The following CDC14B variants were observed in gnomAD, a reference collection of about 807,000 sequenced individuals.
CDC14B encodes dual specificity protein phosphatase CDC14B.
A neutral mutation model predicts 64.2 loss-of-function variants in CDC14B; 22 were observed. The ratio of observed to expected loss-of-function variants is 0.34; its 90% confidence interval spans 0.24 to 0.49. The LOEUF is 0.49. Ranked by LOEUF, CDC14B falls within the 20% of genes least tolerant of loss-of-function variation. The pLI is 0.99. For synonymous variants in CDC14B, 191 were observed against 215.8 expected (o/e 0.89, Z 1.01); for missense variants, 498 against 629.9 (o/e 0.79, Z 2.24).
chr9:96,515,539 A>G lies in CDC14B; in HGVS notation c.1344-5750T>C. ...AGATTCAGAAAAAGAACCTTTGAAA[A>G]TAGGCAAACCAACAAAGCTAGGAGC... is the stretch of plus-strand genomic sequence containing the variant. On this transcript the variant is annotated intron_variant, in intron 12 of 13. Coordinates refer to ENST00000375241, the MANE Select transcript of CDC14B (RefSeq NM_033331.4). This position sits in a 1 kb window ranked among gnomAD's most constrained non-coding sequence, Gnocchi z 4.3. 8.8e-7 allele frequency: 1 copy of G among 1,137,706 alleles called. No homozygotes were observed. Among genetic ancestry groups the G allele is most frequent in the Non-Finnish European group, 1.2e-6 (1 of 836,554 alleles). 70.5% of individuals were successfully genotyped at this position (1,137,706 alleles called of 1,614,324 possible).
intron 1 of CDC14B, among the ~76,000 whole-genome samples, chr9:96,601,722 G>T (rs1049996372): frequency 1.3e-5 from 2 of 150,804 alleles, no homozygotes; most frequent in Admixed American, 1.3e-4. Context: ...GAACCCAGGA[G>T]GTGGGGGTTT....
At chr9:96,496,505 G>T, downstream of CDC14B, 1 of 395,070 alleles carries the variant, frequency 2.5e-6, no homozygotes, top group South Asian at 1.9e-5. Flanking sequence ...TTGGGTTGGG[G>T]CCCAGAACGG....
At chr9:96,534,699 A>G (rs76857701) in intron 7 of CDC14B, among the ~76,000 whole-genome samples, 157 bp from the exon 8 acceptor site, 3 of 152,340 alleles carry the variant, frequency 2.0e-5, no homozygotes, top group Non-Finnish European at 2.9e-5. Context: ...TTGCCCTGCT[A>G]TAAGTATATC....
intron 5 of CDC14B, among the ~76,000 whole-genome samples, chr9:96,542,989 C>T (rs1358662118): frequency 1.3e-5 from 2 of 151,828 alleles, no homozygotes; most frequent in Admixed American, 6.6e-5. Context: ...GCCTGGGCGA[C>T]AAAGTGAGAC....
intron 12 of CDC14B, among the ~76,000 whole-genome samples, chr9:96,511,801 T>C (rs145840853): frequency 2.0e-5 from 3 of 152,188 alleles, no homozygotes; most frequent in African/African-American, 4.8e-5. Context: ...TCTAACAAAA[T>C]AGAAAAAGGA....
rs1432978769 is a variant in CDC14B at position 96,619,731 on chromosome 9, G to A, written c.-353C>T. 6.6e-6 allele frequency: 1 copy of A among 150,780 alleles called. No individual in the cohort carries two copies. The highest frequency in any genetic ancestry group is 1.5e-5 in the Non-Finnish European group (1 of 67,578). The allele number at this position is 150,780 out of a possible 1,614,324, so 9.3% of individuals were successfully genotyped here. On this transcript the variant is annotated 5_prime_UTR_variant, in exon 1 of 14. Transcript: ENST00000375241. ...TGCAGCTGGCGGCCGGAGCTGCCCGGGGTAACCGTGCGTGCCCACCGCGGC... is the reference window on the plus strand; with the variant it reads ...TGCAGCTGGCGGCCGGAGCTGCCCGAGGTAACCGTGCGTGCCCACCGCGGC...
At chr9:96,545,711 C>CTTT (rs59702080) in intron 5 of CDC14B, among the ~76,000 whole-genome samples, 2 of 142,510 alleles carry the variant, frequency 1.4e-5, no homozygotes, top group Non-Finnish European at 3.1e-5. Flanking sequence ...TTCTTCAATG[C>CTTT]TTTTTTTTTT....
intron 7 of CDC14B, among the ~76,000 whole-genome samples, chr9:96,537,558 C>A (rs1025665737): frequency 6.6e-6 from 1 of 152,184 alleles, no homozygotes; most frequent in Non-Finnish European, 1.5e-5. Context: ...TTTTGCCAAA[C>A]TGGCAGGTCA....
chr9:96,539,878 G>A (rs1049255872), intron 6 of CDC14B, among the ~76,000 whole-genome samples: 1 of 152,174 alleles, frequency 6.6e-6, no homozygotes, highest in African/African-American at 2.4e-5. Flanking sequence ...CCTGGCTGCT[G>A]ATCCCTGAGC....
At chr9:96,617,228 G>A (rs1405665743) in intron 1 of CDC14B, among the ~76,000 whole-genome samples, 3 of 151,318 alleles carry the variant, frequency 2.0e-5, no homozygotes, top group Non-Finnish European at 2.9e-5. Flanking sequence ...TTCCTGTAAC[G>A]CACCCCTCCT....
chr9:96,606,573 G>A (rs1799141564), intron 1 of CDC14B, among the ~76,000 whole-genome samples: 2 of 144,838 alleles, frequency 1.4e-5, no homozygotes, highest in Admixed American at 1.4e-4. Flanking sequence ...GTGTGTGTGT[G>A]TGTGTTTCTG....
At chr9:96,494,713 CTTCCT>C (rs1035919119) in intron 13 of CDC14B, among the ~76,000 whole-genome samples, 50 of 151,708 alleles carry the variant, frequency 3.3e-4, no homozygotes, top group Admixed American at 2.8e-3. Context: ...TTCTTTCTTT[CTTCCT>C]TTCCTTTCCT....
At chr9:96,585,270 G>A (rs573784539) in intron 1 of CDC14B, among the ~76,000 whole-genome samples, 3 of 151,476 alleles carry the variant, frequency 2.0e-5, no homozygotes, top group African/African-American at 7.3e-5. Context: ...GTATACATGT[G>A]GCATGGTGGT....
At chr9:96,516,077 A>G (rs576969075) in intron 12 of CDC14B, among the ~76,000 whole-genome samples, 41 of 152,348 alleles carry the variant, frequency 2.7e-4, no homozygotes, top group Admixed American at 1.6e-3. Context: ...AGTCACAGAT[A>G]AATGATTGAG....
chr9:96,559,340 C>T (rs934031871), intron 4 of CDC14B, among the ~76,000 whole-genome samples: 2 of 152,252 alleles, frequency 1.3e-5, no homozygotes, highest in African/African-American at 2.4e-5. Context: ...AAAGATTCTT[C>T]CTCCAGATTT....
intron 12 of CDC14B, among the ~76,000 whole-genome samples, chr9:96,517,459 T>C (rs1467855526): frequency 6.7e-6 from 1 of 149,574 alleles, no homozygotes; most frequent in Non-Finnish European, 1.5e-5. Flanking sequence ...AAGACCATCC[T>C]GGCTAACATG....
chr9:96,527,273 C>T lies in CDC14B; in HGVS notation c.947-3548G>A, dbSNP rs1397181243. Among the ~76,000 whole-genome samples, 2 of 152,102 alleles carry T rather than the reference C, an allele frequency of 1.3e-5. 1 individual carries two copies. On this transcript the variant is annotated intron_variant, in intron 9 of 13. Transcript: ENST00000375241. The stretch of plus-strand genomic sequence containing the variant: ...AATTAGCCGGGCGCGGTGGCGGGCG[C>T]CTGTAGTCCCAGCTACTGGGGAGGC...
chr9:96,554,119 G>A (rs936170299), intron 4 of CDC14B, among the ~76,000 whole-genome samples: 1 of 152,050 alleles, frequency 6.6e-6, no homozygotes, highest in Non-Finnish European at 1.5e-5. Flanking sequence ...AGCCGAGATC[G>A]CGCCACTGCA....
chr9:96,519,194 T>C (rs563831945), intron 12 of CDC14B, among the ~76,000 whole-genome samples: 6 of 152,266 alleles, frequency 3.9e-5, no homozygotes, highest in Admixed American at 1.3e-4. Flanking sequence ...CTAACAGATA[T>C]ACTCATCTCC....
Sources: gnomAD v4.1 joint callset for allele counts (sites outside exome capture counted in the v4.1 genomes callset) on GRCh38, gnomAD v4.1.1 for gene constraint, Gnocchi (gnomAD v3.1) non-coding constraint, MANE v1.5 for transcripts, NCBI Gene and HGNC (gene_info 2026-07-23, HGNC 2026-07-21) for gene names.